The following BNC2 variants were observed in gnomAD, a reference collection of about 807,000 sequenced individuals.
BNC2 encodes zinc finger protein basonuclin-2.
BNC2 carries 20 observed loss-of-function variants against 76.3 expected under a neutral mutation model. The observed-to-expected ratio is 0.26, with a 90% confidence interval of 0.18 to 0.38. The LOEUF (loss-of-function observed/expected upper bound fraction) is 0.38. Ranked by LOEUF, BNC2 falls within the 10% of genes least tolerant of loss-of-function variation. The probability of loss-of-function intolerance (pLI) is 1.00; values close to 1 mark genes in which losing one functional copy is unlikely to be tolerated. For missense variants in BNC2, 1,382 were observed against 1,399.8 expected, an observed-to-expected ratio of 0.99 and a Z score of 0.20; for synonymous variants, 582 against 514.8, an observed-to-expected ratio of 1.13 and a Z score of -1.77.
At chr9:16,520,946 C>T (rs930038057) in intron 5 of BNC2, among the ~76,000 whole-genome samples, 5 of 152,210 alleles carry the variant, frequency 3.3e-5, no homozygotes, top group South Asian at 4.1e-4. Context: ...TTGGGTCTTT[C>T]TCCAGACATA....
intron 1 of BNC2, among the ~76,000 whole-genome samples, chr9:16,834,233 T>C (rs929633891): frequency 3.3e-5 from 5 of 152,208 alleles, no homozygotes; most frequent in Admixed American, 3.3e-4. Context: ...ATTCTGATAT[T>C]TGTAGTATTT....
At chr9:16,493,445 G>A (rs1436525940) in intron 5 of BNC2, among the ~76,000 whole-genome samples, 2 of 152,190 alleles carry the variant, frequency 1.3e-5, no homozygotes, top group East Asian at 3.9e-4. Flanking sequence ...CATTCATTCA[G>A]AGCTGTCTTG....
intron 3 of BNC2, among the ~76,000 whole-genome samples, chr9:16,697,612 T>C (rs1204162042): frequency 1.3e-5 from 1 of 76,478 alleles, no homozygotes; most frequent in Non-Finnish European, 4.8e-5. Context: ...TCCCAGCTAG[T>C]TGGGAGGCTA....
intron 1 of BNC2, among the ~76,000 whole-genome samples, chr9:16,821,406 T>C (rs1299389280): frequency 1.3e-5 from 2 of 152,212 alleles, no homozygotes; most frequent in Non-Finnish European, 2.9e-5. Flanking sequence ...AATAACTTAA[T>C]AATGCTTACC....
intron 3 of BNC2, among the ~76,000 whole-genome samples, chr9:16,611,107 T>C: frequency 6.6e-6 from 1 of 152,184 alleles, no homozygotes; most frequent in East Asian, 1.9e-4. Flanking sequence ...AAGACTGTGA[T>C]GTGCAAAAAA....
At chr9:16,831,787 A>G (rs2136026619) in intron 1 of BNC2, among the ~76,000 whole-genome samples, 1 of 152,300 alleles carries the variant, frequency 6.6e-6, no homozygotes, top group East Asian at 1.9e-4. Flanking sequence ...CAAGCCACCA[A>G]CTTTTCTTAG....
chr9:16,653,828 C>A (rs544604346), intron 3 of BNC2, among the ~76,000 whole-genome samples: 1 of 152,130 alleles, frequency 6.6e-6, no homozygotes, highest in Non-Finnish European at 1.5e-5. Flanking sequence ...AAACATGCAG[C>A]GTCTGACATG....
intron 3 of BNC2, among the ~76,000 whole-genome samples, chr9:16,610,853 G>C (rs1261079030): frequency 6.6e-6 from 1 of 152,128 alleles, no homozygotes; most frequent in Non-Finnish European, 1.5e-5. Flanking sequence ...ACTTAAAAGA[G>C]TTTTTTAATT....
intron 2 of BNC2, among the ~76,000 whole-genome samples, chr9:16,735,953 G>T (rs1824654543): frequency 6.6e-6 from 1 of 151,876 alleles, no homozygotes. Flanking sequence ...CATGTTGCAG[G>T]CCAGGTGCGG....
intron 1 of BNC2, among the ~76,000 whole-genome samples, chr9:16,859,858 C>T (rs1031965886): frequency 5.3e-5 from 8 of 152,232 alleles, no homozygotes; most frequent in East Asian, 1.9e-4. Context: ...CGGCGGCTCA[C>T]GCCTGTTATC....
intron 5 of BNC2, among the ~76,000 whole-genome samples, chr9:16,535,636 C>T (rs1418110280): frequency 6.6e-6 from 1 of 152,044 alleles, no homozygotes; most frequent in Non-Finnish European, 1.5e-5. Flanking sequence ...TCCTTAGTTC[C>T]ACATAGATAC....
chr9:16,810,995 G>T (rs1342890936), intron 1 of BNC2, among the ~76,000 whole-genome samples: 1 of 152,044 alleles, frequency 6.6e-6, no homozygotes, highest in African/African-American at 2.4e-5. Context: ...GAGGCGGGCA[G>T]ATCTCAAGGT....
At chr9:16,581,953 C>T (rs1021991261) in intron 4 of BNC2, among the ~76,000 whole-genome samples, 2 of 152,114 alleles carry the variant, frequency 1.3e-5, no homozygotes, top group Non-Finnish European at 2.9e-5. Flanking sequence ...AATGTCCCCG[C>T]AACTCCATCA....
chr9:16,420,366 G>C lies in BNC2; in HGVS notation c.2640-717C>G, dbSNP rs1175122266. ...AATAATAAAATACATTTACTTTTTA[G>C]AAGTATGTGCATTTTAGTGTCCAAA... On this transcript the variant is annotated intron_variant, in intron 6 of 6. Transcript: ENST00000380672. Among the ~76,000 whole-genome samples the C allele has an allele frequency of 1.2e-4, 18 of 152,080 alleles. 1 individual carries two copies. Among genetic ancestry groups the C allele is most frequent in the Admixed American group, 1.1e-3 (17 of 15,278 alleles).
chr9:16,482,179 T>C (rs1330974396), intron 5 of BNC2, among the ~76,000 whole-genome samples: 1 of 152,202 alleles, frequency 6.6e-6, no homozygotes, highest in Non-Finnish European at 1.5e-5. Context: ...TATAGATCCA[T>C]AATTGTGTTT....
intron 1 of BNC2, among the ~76,000 whole-genome samples, chr9:16,739,333 G>GGACT (rs1824774213): frequency 6.6e-6 from 1 of 152,150 alleles, no homozygotes; most frequent in Admixed American, 6.6e-5. Context: ...TATGACAGAT[G>GGACT]GACTGAAGTG....
At chr9:16,852,790 T>C (rs1396909822) in intron 1 of BNC2, among the ~76,000 whole-genome samples, 2 of 147,164 alleles carry the variant, frequency 1.4e-5, no homozygotes, top group African/African-American at 2.4e-5. Context: ...GAGGAAGCCC[T>C]GCAAAAGTGT....
chr9:16,656,763 T>C (rs1821942566), intron 3 of BNC2, among the ~76,000 whole-genome samples: 1 of 152,196 alleles, frequency 6.6e-6, no homozygotes, highest in African/African-American at 2.4e-5. Context: ...AGGCAATATG[T>C]TGTACAGCAG....
At position 16,421,271 on chromosome 9, in the gene BNC2, A is replaced by G. The variant is rs1427891734; in HGVS notation, c.2640-1622T>C. The G allele has an allele frequency of 1.4e-5, 18 of 1,300,466 alleles. No individual in the cohort carries two copies. In the South Asian group the frequency reaches 1.7e-4, roughly 13 times the overall value. The allele number at this position is 1,300,466 out of a possible 1,614,324, so 80.6% of individuals were successfully genotyped here. A position where few individuals can be genotyped will look rare whatever the true frequency, so the allele number is the denominator to read the frequency against. ...GGAAGGCTGAGCTTACCTTGTGACA[A>G]TAAGATCAGCTTTCTAATCTTTTGC... is the stretch of plus-strand genomic sequence containing the variant. On this transcript the variant is annotated intron_variant, in intron 6 of 6. Coordinates refer to ENST00000380672, the MANE Select transcript of BNC2 (RefSeq NM_017637.6).
Sources: gnomAD v4.1 joint callset for allele counts (sites outside exome capture counted in the v4.1 genomes callset) on GRCh38, gnomAD v4.1.1 for gene constraint, MANE v1.5 for transcripts, NCBI Gene and HGNC (gene_info 2026-07-23, HGNC 2026-07-21) for gene names.